UVRAG: variants seen among roughly 807,000 people sequenced by gnomAD.
UVRAG encodes the protein UV radiation resistance associated.
In UVRAG, 19 loss-of-function variants were observed where a neutral mutation model predicts 78.0. The ratio of observed to expected loss-of-function variants is 0.24; its 90% CI spans 0.17 to 0.36. The LOEUF (loss-of-function observed/expected upper bound fraction) is 0.36, where lower values mean the gene tolerates loss of function less well. Ranked by LOEUF, UVRAG falls within the 10% of genes least tolerant of loss-of-function variation. UVRAG has a pLI of 1.00. For synonymous variants in UVRAG, 323 were observed against 324.6 expected (o/e 1.00, Z 0.05); for missense variants, 740 against 853.8 (o/e 0.87, Z 1.66).
chr11:75,979,932 A>G (rs1438118661), intron 7 of UVRAG: 3 of 153,232 alleles, frequency 2.0e-5, no homozygotes, highest in African/African-American at 4.8e-5. Flanking sequence ...CGGCACCTCA[A>G]TTGGAAATGC....
chr11:75,940,012 G>C (rs1948452513), intron 6 of UVRAG, among the ~76,000 whole-genome samples: 1 of 152,112 alleles, frequency 6.6e-6, no homozygotes, highest in African/African-American at 2.4e-5. Context: ...ACATGTATTG[G>C]CAATAGGGGA....
chr11:75,866,820 T>C (rs1374598282), intron 3 of UVRAG, among the ~76,000 whole-genome samples: 1 of 152,236 alleles, frequency 6.6e-6, no homozygotes, highest in Non-Finnish European at 1.5e-5. Flanking sequence ...AGTTTCTGGC[T>C]GTAAGACTCA....
chr11:75,831,955 C>G (rs114707624), intron 1 of UVRAG, among the ~76,000 whole-genome samples: 1 of 152,138 alleles, frequency 6.6e-6, no homozygotes, highest in African/African-American at 2.4e-5. Context: ...ATGTAATTTA[C>G]TCATGTAATT....
intron 13 of UVRAG, among the ~76,000 whole-genome samples, chr11:76,075,621 A>G (rs1413274599): frequency 3.3e-5 from 5 of 152,142 alleles, no homozygotes; most frequent in Non-Finnish European, 7.4e-5. Flanking sequence ...CAAAAAAAAA[A>G]AAAAGTATAT....
intron 3 of UVRAG, among the ~76,000 whole-genome samples, chr11:75,876,766 A>G (rs892564365): frequency 2.0e-5 from 3 of 150,492 alleles, no homozygotes; most frequent in Non-Finnish European, 4.4e-5. Context: ...TGATTTACTG[A>G]TTTACATAAT....
intron 3 of UVRAG, among the ~76,000 whole-genome samples, chr11:75,864,143 C>G (rs183362720): frequency 5.9e-4 from 89 of 151,948 alleles, no homozygotes; most frequent in African/African-American, 2.1e-3. Flanking sequence ...GCAACCTCCA[C>G]CTTGTGAGCT....
chr11:76,039,711 C>T (rs763212151), intron 12 of UVRAG, among the ~76,000 whole-genome samples: 2 of 152,152 alleles, frequency 1.3e-5, no homozygotes, highest in Non-Finnish European at 2.9e-5. Flanking sequence ...CCTGTCTCTA[C>T]TAAAAACACA....
chr11:76,067,407 A>T (rs1591197249), intron 13 of UVRAG, among the ~76,000 whole-genome samples: 1 of 152,330 alleles, frequency 6.6e-6, no homozygotes, highest in Non-Finnish European at 1.5e-5. Context: ...CACTCCGCTG[A>T]TCACAGTTCT....
At chr11:75,965,739 G>A (rs1224418840) in intron 7 of UVRAG, among the ~76,000 whole-genome samples, 1 of 152,166 alleles carries the variant, frequency 6.6e-6, no homozygotes, top group Non-Finnish European at 1.5e-5. Flanking sequence ...CTGCTAGTAT[G>A]TAATAATACA....
chr11:75,862,129 A>G (rs1426689976), intron 3 of UVRAG, among the ~76,000 whole-genome samples: 1 of 152,158 alleles, frequency 6.6e-6, no homozygotes, highest in Non-Finnish European at 1.5e-5. Context: ...GAATGAACTG[A>G]TTTTTCTGTT....
At chr11:75,914,328 A>AT (rs1175552894) in intron 6 of UVRAG, 2 of 152,214 alleles carry the variant, frequency 1.3e-5, no homozygotes, top group Non-Finnish European at 2.9e-5. Flanking sequence ...GGCTGGAGTC[A>AT]TTTTAAAAAA....
intron 7 of UVRAG, among the ~76,000 whole-genome samples, chr11:75,965,751 T>C (rs1216977954): frequency 2.0e-5 from 3 of 152,244 alleles, no homozygotes; most frequent in African/African-American, 7.2e-5. Flanking sequence ...AATAATACAA[T>C]TAATTTTAAC....
rs957376038 is a variant in UVRAG, at chr11:76,045,049, A to G, written c.1227-20661A>G. Among the ~76,000 whole-genome samples the G allele has an allele frequency of 5.3e-5, 8 of 152,146 alleles. 1 individual carries two copies. The highest frequency in any genetic ancestry group is 1.7e-4 in the African/African-American group (7 of 41,432). Reference sequence around the variant, plus strand: ...TGAAGGTGAGTCGGGTATGTCTGGAAGTCTGTATTAGAAGCCAGTATACCC... The same window carrying G: ...TGAAGGTGAGTCGGGTATGTCTGGAGGTCTGTATTAGAAGCCAGTATACCC... On this transcript the variant is annotated intron_variant, in intron 12 of 14. Transcript: ENST00000356136.
chr11:76,076,151 T>C (rs112538284), intron 13 of UVRAG, among the ~76,000 whole-genome samples: 10 of 152,290 alleles, frequency 6.6e-5, no homozygotes, highest in South Asian at 2.1e-4. Flanking sequence ...ATGTTTAAAT[T>C]TGAGGAATTG....
intron 1 of UVRAG, among the ~76,000 whole-genome samples, chr11:75,848,167 A>C (rs976306259): frequency 6.6e-5 from 10 of 151,698 alleles, no homozygotes; most frequent in African/African-American, 2.2e-4. Context: ...ACTGTACTCC[A>C]GCCTGGGGGA....
chr11:76,136,557 A>C (rs542686776), intron 14 of UVRAG, among the ~76,000 whole-genome samples: 3 of 148,450 alleles, frequency 2.0e-5, no homozygotes, highest in Non-Finnish European at 4.4e-5. Flanking sequence ...CGTCCAGGCT[A>C]AAGTGCAGTG....
At chr11:76,039,058 C>T (rs1007241814) in intron 12 of UVRAG, among the ~76,000 whole-genome samples, 3 of 152,178 alleles carry the variant, frequency 2.0e-5, no homozygotes, top group Non-Finnish European at 4.4e-5. Context: ...GTGTTTTAAG[C>T]TGCTAAGCTT....
chr11:76,108,729 T>C (rs1220056158), intron 13 of UVRAG, among the ~76,000 whole-genome samples: 2 of 152,218 alleles, frequency 1.3e-5, no homozygotes, highest in East Asian at 3.8e-4. Context: ...TGGGTTTTCT[T>C]TCTTTTTGCT....
chr11:76,109,696 A>G (rs940336402), intron 13 of UVRAG, among the ~76,000 whole-genome samples: 5 of 152,182 alleles, frequency 3.3e-5, no homozygotes, highest in Non-Finnish European at 5.9e-5. Flanking sequence ...ACGTGTGGAG[A>G]CTTAGTAAAT....
Sources: allele counts gnomAD v4.1 joint callset (sites outside exome capture counted in the v4.1 genomes callset), GRCh38; gene constraint gnomAD v4.1.1; transcripts MANE v1.5; gene names NCBI Gene and HGNC (gene_info 2026-07-23, HGNC 2026-07-21).